The following ADAMTS2 variants were observed in gnomAD, a reference collection of about 807,000 sequenced individuals.
ADAMTS2 encodes the protein ADAM metallopeptidase with thrombospondin type 1 motif 2, also known as A disintegrin and metalloproteinase with thrombospondin motifs 2.
ADAMTS2 carries 50 observed loss-of-function variants against 123.0 expected under a neutral mutation model. The ratio of observed to expected loss-of-function variants is 0.41; its 90% CI spans 0.32 to 0.51. ADAMTS2 has a LOEUF of 0.51. Ranked by LOEUF, ADAMTS2 falls within the 20% of genes least tolerant of loss-of-function variation. ADAMTS2 has a pLI of 0.35. For missense variants in ADAMTS2, 1,494 were observed against 1,705.2 expected (o/e 0.88, Z 2.18); for synonymous variants, 678 against 695.4 (o/e 0.98, Z 0.39).
intron 5 of ADAMTS2, among the ~76,000 whole-genome samples, chr5:179,167,055 G>T (rs555679564): frequency 3.3e-5 from 5 of 152,200 alleles, no homozygotes; most frequent in Non-Finnish European, 7.4e-5. Context: ...GGCCGCCCCG[G>T]CAGATGCTGA....
chr5:179,238,823 A>G (rs469262), intron 3 of ADAMTS2, among the ~76,000 whole-genome samples: 91,941 of 151,860 alleles, frequency 0.61, 29,339 homozygotes, highest in African/African-American at 0.7. Flanking sequence ...TTCCAGCAGA[A>G]GACAGACATG....
chr5:179,203,246 G>A lies in ADAMTS2; in HGVS notation c.891+4267C>T, dbSNP rs188359053. ...GCTCGACGGCCTTTCCCAGGGCACA[G>A]GCTGTGCCACCATTCTCTGCATCCA... is the stretch of plus-strand genomic sequence containing the variant. On this transcript the variant is annotated intron_variant, in intron 4 of 21. Coordinates refer to ENST00000251582, the MANE Select transcript of ADAMTS2 (RefSeq NM_014244.5). 6.0e-3 allele frequency among the ~76,000 whole-genome samples: 909 copies of A among 152,334 alleles called. 5 individuals carry two copies. The highest frequency in any genetic ancestry group is 9.4e-3 in the Non-Finnish European group (638 of 68,036).
rs368165553 is a variant in ADAMTS2 at position 179,332,032 on chromosome 5, G to A, written c.534+11735C>T. Among the ~76,000 whole-genome samples the A allele has an allele frequency of 1.4e-4, 21 of 152,336 alleles. No homozygotes were observed. In the East Asian group the frequency reaches 2.1e-3, roughly 15 times the overall value. ...CTGACCAGGCGGCTATAAATTGGGC[G>A]GGTCCCACAACTCCCTCCTCAGGTT... On this transcript the variant is annotated intron_variant, in intron 2 of 21. Transcript: ENST00000251582. This position sits in a 1 kb window ranked among gnomAD's most constrained non-coding sequence, Gnocchi z 4.2.
Position 179,158,612 on chromosome 5 carries a change from C to A in ADAMTS2, c.1132+111G>T. The stretch of plus-strand genomic sequence containing the variant: ...CCCAGCTAAGGTGGCCACGGCCTTC[C>A]CTGCCCTGACACTCTTCCCTGGGCT... On this transcript the variant is annotated intron_variant, in intron 6 of 21. Coordinates refer to ENST00000251582, the MANE Select transcript of ADAMTS2 (RefSeq NM_014244.5). The surrounding 1 kb of genome is among the most constrained non-coding windows in gnomAD (Gnocchi z 5.0). The A allele has an allele frequency of 6.7e-7, 1 of 1,490,924 alleles. No individual in the cohort carries two copies. The allele number at this position is 1,490,924 out of a possible 1,614,324, so 92.4% of individuals were successfully genotyped here. A position where few individuals can be genotyped will look rare whatever the true frequency, so the allele number is the denominator to read the frequency against.
chr5:179,319,483 A>G (rs537666380), intron 2 of ADAMTS2, among the ~76,000 whole-genome samples: 212 of 152,106 alleles, frequency 1.4e-3, no homozygotes, highest in African/African-American at 4.8e-3. Flanking sequence ...ATGCACTCAC[A>G]CATGCCTCAC....
At chr5:179,254,630 A>G (rs1766004174) in intron 3 of ADAMTS2, among the ~76,000 whole-genome samples, 3 of 152,310 alleles carry the variant, frequency 2.0e-5, no homozygotes, top group South Asian at 4.1e-4. Flanking sequence ...TAAGCCCACA[A>G]GAATATTCTC....
intron 5 of ADAMTS2, among the ~76,000 whole-genome samples, chr5:179,179,095 C>A (rs568414187): frequency 1.3e-5 from 2 of 152,276 alleles, no homozygotes; most frequent in South Asian, 4.2e-4. Context: ...CAGGCACATG[C>A]CACCACACCC....
intron 10 of ADAMTS2, among the ~76,000 whole-genome samples, chr5:179,145,782 G>A (rs1265322212): frequency 2.6e-5 from 4 of 152,166 alleles, no homozygotes; most frequent in Admixed American, 1.3e-4. Flanking sequence ...ATGTTCCAGC[G>A]CTTGTTTGTT....
intron 10 of ADAMTS2, among the ~76,000 whole-genome samples, chr5:179,141,256 G>A (rs1763165174): frequency 6.6e-6 from 1 of 152,150 alleles, no homozygotes; most frequent in South Asian, 2.1e-4. Context: ...CTGTAAAAGG[G>A]CCAGAGAGTA....
chr5:179,137,815 C>A lies in ADAMTS2; in HGVS notation c.1905G>T (p.Glu635Asp). The A allele has an allele frequency of 6.3e-7, 1 of 1,580,248 alleles. No homozygotes were observed. The highest frequency in any genetic ancestry group is 8.6e-7 in the Non-Finnish European group (1 of 1,165,016). Reference sequence around the variant, plus strand: ...GCCAGTGGTGCTGGGCGTCGCCGTGCTCGAAGTACAGGTCCCACTGGCGGC... The same window carrying A: ...GCCAGTGGTGCTGGGCGTCGCCGTGATCGAAGTACAGGTCCCACTGGCGGC... ...EQCRQWDLYF[E>D]HGDAQHHWLP... Residue 635 changes from glutamate to aspartate, a missense_variant, in exon 12 of 22, where the codon GAG becomes GAT. By Grantham distance (45) the Glu-to-Asp change is conservative. Coordinates refer to ENST00000251582, the MANE Select transcript of ADAMTS2 (RefSeq NM_014244.5).
At chr5:179,164,387 G>T (rs1483535792) in intron 5 of ADAMTS2, among the ~76,000 whole-genome samples, 3 of 152,222 alleles carry the variant, frequency 2.0e-5, no homozygotes, top group Non-Finnish European at 2.9e-5. Context: ...AGGGGACAGT[G>T]TGGCACTGAG....
intron 10 of ADAMTS2, among the ~76,000 whole-genome samples, chr5:179,149,579 C>T (rs1267815443): frequency 1.3e-5 from 2 of 152,306 alleles, no homozygotes; most frequent in African/African-American, 4.8e-5. Context: ...CTGGGCAAGA[C>T]GGTGCCTAAC....
At chr5:179,201,494 C>T (rs194039) in intron 4 of ADAMTS2, among the ~76,000 whole-genome samples, 73,397 of 151,542 alleles carry the variant, frequency 0.48, 17,964 homozygotes, top group East Asian at 0.56. Context: ...TTTTACATAG[C>T]AAAAAAAATG....
Position 179,113,766 on chromosome 5 carries a change from T to C in ADAMTS2, c.*101A>G. 3 of 1,227,202 alleles carry C rather than the reference T, an allele frequency of 2.4e-6. No individual in the cohort carries two copies. The Admixed American group carries it at 5.4e-5, about 22-fold the overall frequency. The allele number at this position is 1,227,202 out of a possible 1,614,324, so 76.0% of individuals were successfully genotyped here. A position where few individuals can be genotyped will look rare whatever the true frequency, so the allele number is the denominator to read the frequency against. On this transcript the variant is annotated 3_prime_UTR_variant, in exon 22 of 22. Coordinates refer to ENST00000251582, the MANE Select transcript of ADAMTS2 (RefSeq NM_014244.5). Reference sequence around the variant, plus strand: ...TTTGTTTTCTCAAAACCTTTTGGAATCAGGAATTTTGACTTCATCTCCATG... The same window carrying C: ...TTTGTTTTCTCAAAACCTTTTGGAACCAGGAATTTTGACTTCATCTCCATG...
At chr5:179,167,620 C>A (rs543572918) in intron 5 of ADAMTS2, among the ~76,000 whole-genome samples, 1 of 152,272 alleles carries the variant, frequency 6.6e-6, no homozygotes, top group African/African-American at 2.4e-5. Flanking sequence ...CTGGGCAAGG[C>A]GCACTCAGCC....
intron 3 of ADAMTS2, among the ~76,000 whole-genome samples, chr5:179,212,176 C>T (rs11750433): frequency 0.24 from 34,743 of 146,000 alleles, 4,485 homozygotes; most frequent in Non-Finnish European, 0.25. Context: ...TGGGATGGTG[C>T]GGGCTCTGAG....
intron 19 of ADAMTS2, 166 bp from the exon 20 acceptor site, chr5:179,122,939 C>T (rs1762790626): frequency 1.0e-6 from 1 of 954,106 alleles, no homozygotes; most frequent in South Asian, 1.5e-5. Flanking sequence ...CCCTCGGGGG[C>T]AGCCCCAATC....
intron 3 of ADAMTS2, among the ~76,000 whole-genome samples, chr5:179,211,831 C>CA (rs1476659712): frequency 1.3e-5 from 2 of 152,298 alleles, no homozygotes; most frequent in African/African-American, 4.8e-5. Flanking sequence ...GGTGTGTGCA[C>CA]AGCCCTTCAC....
At chr5:179,315,230 TA>T (rs1756955849) in intron 2 of ADAMTS2, among the ~76,000 whole-genome samples, 1 of 41,628 alleles carries the variant, frequency 2.4e-5, no homozygotes, top group Non-Finnish European at 5.0e-5. Flanking sequence ...TGGACAAGAT[TA>T]AATACCCTGG....
Sources: allele counts gnomAD v4.1 joint callset (sites outside exome capture counted in the v4.1 genomes callset), GRCh38; gene constraint gnomAD v4.1.1; non-coding constraint Gnocchi (gnomAD v3.1); transcripts MANE v1.5; gene names NCBI Gene and HGNC (gene_info 2026-07-23, HGNC 2026-07-21).